The following RASA3 variants were observed in gnomAD, a reference collection of about 807,000 sequenced individuals.
RASA3 encodes the protein RAS p21 protein activator 3.
RASA3 carries 73 observed loss-of-function variants against 110.0 expected under a neutral mutation model. That is an observed-to-expected ratio of 0.66 (90% CI 0.55 to 0.81). The LOEUF (loss-of-function observed/expected upper bound fraction) is 0.81, where lower values mean the gene tolerates loss of function less well. Ranked by LOEUF, RASA3 falls within the 30% of genes least tolerant of loss-of-function variation. The pLI is 0.00. For missense variants in RASA3, 976 were observed against 1,113.2 expected (o/e 0.88, Z 1.75); for synonymous variants, 500 against 451.4 (o/e 1.11, Z -1.37).
rs1421237924 is a variant in RASA3, at chr13:114,115,937, C to T, written c.55+16498G>A. Among the ~76,000 whole-genome samples, 2 of 152,246 alleles carry T rather than the reference C, an allele frequency of 1.3e-5. No homozygotes were observed. Among genetic ancestry groups the T allele is most frequent in the Non-Finnish European group, 2.9e-5 (2 of 68,038 alleles). Reference sequence around the variant, plus strand: ...AAACCCAAACGCTCTGTGAATGGGACATGTGCTCAGAGGCGTCTGCAGTTG... The same window carrying T: ...AAACCCAAACGCTCTGTGAATGGGATATGTGCTCAGAGGCGTCTGCAGTTG... On this transcript the variant is annotated intron_variant, in intron 1 of 23. Transcript: ENST00000334062. The surrounding 1 kb of genome is among the most constrained non-coding windows in gnomAD (Gnocchi z 5.0).
At chr13:113,996,891 A>C (rs2053269670) in intron 20 of RASA3, 152 bp from the exon 21 acceptor site, 2 of 679,520 alleles carry the variant, frequency 2.9e-6, no homozygotes, top group Non-Finnish European at 5.0e-6. Context: ...TCTAAGCCCC[A>C]GAAGAGGCCA....
chr13:114,093,674 C>G (rs774921151), intron 1 of RASA3, among the ~76,000 whole-genome samples: 5 of 152,104 alleles, frequency 3.3e-5, no homozygotes, highest in Admixed American at 3.3e-4. Flanking sequence ...CCCTTTTTAA[C>G]TCTGATAGCT....
intron 1 of RASA3, among the ~76,000 whole-genome samples, chr13:114,117,779 TGAG>T (rs564406881): frequency 7.3e-4 from 75 of 103,276 alleles, no homozygotes; most frequent in Non-Finnish European, 1.3e-3. Flanking sequence ...AGCACGTGTG[TGAG>T]GAGAGCACGT....
At chr13:114,116,343 C>G (rs977991535) in intron 1 of RASA3, among the ~76,000 whole-genome samples, 1 of 152,088 alleles carries the variant, frequency 6.6e-6, no homozygotes, top group Non-Finnish European at 1.5e-5. Context: ...CCTAGAGACC[C>G]CCATCCCTAC....
intron 3 of RASA3, among the ~76,000 whole-genome samples, 171 bp from the exon 4 acceptor site, chr13:114,041,265 C>A (rs9525346): frequency 0.35 from 53,792 of 152,246 alleles, 9,776 homozygotes; most frequent in Middle Eastern, 0.48. Context: ...TTGGGAGGCC[C>A]AGGGGGGAGG....
In RASA3 at chr13:114,048,172, G is replaced by A. The variant is rs956894407; in HGVS notation, c.277+3880C>T. ...CTACTGAAAATACAAAAAATTAGCC[G>A]GGCGTGGTGGCGGGCGCCTGTAGTC... is the stretch of plus-strand genomic sequence containing the variant. On this transcript the variant is annotated intron_variant, in intron 3 of 23. Transcript: ENST00000334062. The surrounding 1 kb of genome is among the most constrained non-coding windows in gnomAD (Gnocchi z 4.3). Among the ~76,000 whole-genome samples, 5 of 152,086 alleles carry A rather than the reference G, an allele frequency of 3.3e-5. No individual in the cohort carries two copies. Among genetic ancestry groups the A allele is most frequent in the Non-Finnish European group, 7.4e-5 (5 of 68,002 alleles).
Position 114,041,467 on chromosome 13 carries a change from C to T in RASA3, c.278-373G>A, listed in dbSNP as rs982997102. ...AGAGGCTTCGCTGTGAAGGCGCGAA[C>T]GTCCGCTCCATCGGCAATGTGCGCC... On this transcript the variant is annotated intron_variant, in intron 3 of 23. Coordinates refer to ENST00000334062, the MANE Select transcript of RASA3 (RefSeq NM_007368.4). Among the ~76,000 whole-genome samples, 8 of 152,280 alleles carry T rather than the reference C, an allele frequency of 5.3e-5. No homozygotes were observed. The East Asian group carries it at 5.8e-4, about 11-fold the overall frequency.
chr13:114,013,934 CCCT>C (rs879584417), intron 14 of RASA3, among the ~76,000 whole-genome samples: 12,591 of 120,600 alleles, frequency 0.1, 1,480 homozygotes, highest in Middle Eastern at 0.15. Flanking sequence ...GTCTCTCTCT[CCCT>C]GTCTCTATCT....
chr13:114,002,131 G>C (rs541561916), intron 18 of RASA3, among the ~76,000 whole-genome samples: 7 of 152,356 alleles, frequency 4.6e-5, no homozygotes, highest in African/African-American at 1.7e-4. Context: ...AGAGTGACTG[G>C]AGGACAGAGG....
intron 23 of RASA3, among the ~76,000 whole-genome samples, chr13:113,981,020 T>C (rs1426016818): frequency 1.3e-5 from 2 of 152,170 alleles, no homozygotes; most frequent in Admixed American, 6.5e-5. Flanking sequence ...GCTTCTGCCA[T>C]GGTGGACCTG....
At chr13:114,000,220 G>A (rs1566460288) in intron 19 of RASA3, among the ~76,000 whole-genome samples, 1 of 151,696 alleles carries the variant, frequency 6.6e-6, no homozygotes, top group African/African-American at 2.4e-5. Context: ...CGGAGGAGGT[G>A]CCCCATGTTC....
chr13:114,076,308 C>G (rs1164521246), intron 1 of RASA3, among the ~76,000 whole-genome samples: 3 of 152,218 alleles, frequency 2.0e-5, no homozygotes, highest in Non-Finnish European at 4.4e-5. Flanking sequence ...TCCTGATAGG[C>G]ACTGGACCCT....
At chr13:113,999,425 C>T (rs989264859) in intron 20 of RASA3, among the ~76,000 whole-genome samples, 160 bp downstream of exon 20, 30 of 152,038 alleles carry the variant, frequency 2.0e-4, no homozygotes, top group African/African-American at 6.3e-4. Context: ...GACACAAACT[C>T]ACCAGCACCT....
rs1382625986 is a variant in RASA3 at position 114,016,124 on chromosome 13, G to A, written c.1281+73C>T. On this transcript the variant is annotated intron_variant, in intron 13 of 23. Transcript: ENST00000334062. ...AACCGGGGTCACGGGGTGAGTCAGA[G>A]CTTCCAGGCAGCCATCGGCTGAAAA... 3.6e-6 allele frequency: 5 copies of A among 1,375,904 alleles called. No homozygotes were observed. The Admixed American group carries it at 8.6e-5, about 24-fold the overall frequency. 85.2% of individuals were successfully genotyped at this position (1,375,904 alleles called of 1,614,324 possible).
chr13:114,087,305 C>T (rs1053529263), intron 1 of RASA3, among the ~76,000 whole-genome samples: 3 of 151,704 alleles, frequency 2.0e-5, no homozygotes, highest in Admixed American at 6.6e-5. Flanking sequence ...TTTGGAGTAT[C>T]GATTCCCTTC....
Position 114,065,050 on chromosome 13 carries a change from G to A in RASA3, c.173+8670C>T, listed in dbSNP as rs560979200. ...TTCACAGAATCAAGCAAACTTTCACGGGGAAAAAAGAAAAAACCTCTTGCA... is the reference window on the plus strand; with the variant it reads ...TTCACAGAATCAAGCAAACTTTCACAGGGAAAAAAGAAAAAACCTCTTGCA... On this transcript the variant is annotated intron_variant, in intron 2 of 23. Transcript: ENST00000334062. The surrounding 1 kb of genome is among the most constrained non-coding windows in gnomAD (Gnocchi z 4.1). Among the ~76,000 whole-genome samples, 12 of 152,306 alleles carry A rather than the reference G, an allele frequency of 7.9e-5. No homozygotes were observed. The East Asian group carries it at 1.3e-3, about 17-fold the overall frequency.
chr13:114,040,504 G>A (rs1235362007), intron 4 of RASA3, among the ~76,000 whole-genome samples: 1 of 134,192 alleles, frequency 7.5e-6, no homozygotes, highest in Non-Finnish European at 1.6e-5. Flanking sequence ...ACAAGCGGGC[G>A]AACACGCACA....
At chr13:114,083,271 A>G (rs1003161012) in intron 1 of RASA3, among the ~76,000 whole-genome samples, 139 of 152,272 alleles carry the variant, frequency 9.1e-4, no homozygotes, top group Middle Eastern at 3.2e-3. Context: ...AATTCAGGGT[A>G]GCAAGATTAG....
At chr13:114,066,366 G>A (rs1025754076) in intron 2 of RASA3, among the ~76,000 whole-genome samples, 2 of 152,212 alleles carry the variant, frequency 1.3e-5, no homozygotes, top group Non-Finnish European at 2.9e-5. Flanking sequence ...CTCCAGGGAG[G>A]TGCCAGGGGC....
Sources: allele counts gnomAD v4.1 joint callset (sites outside exome capture counted in the v4.1 genomes callset), GRCh38; gene constraint gnomAD v4.1.1; non-coding constraint Gnocchi (gnomAD v3.1); transcripts MANE v1.5; gene names NCBI Gene and HGNC (gene_info 2026-07-23, HGNC 2026-07-21).